TTLL6: variants seen among roughly 807,000 people sequenced by gnomAD.
TTLL6 encodes tubulin tyrosine ligase like 6.
Under a neutral mutation model 96.4 loss-of-function variants are expected in TTLL6, and 75 were observed. That is an observed-to-expected ratio of 0.78 (90% confidence interval 0.65 to 0.94). The LOEUF is 0.94. Ranked by LOEUF, TTLL6 falls within the 40% of genes least tolerant of loss-of-function variation. The pLI, the probability that TTLL6 is intolerant of heterozygous loss-of-function variation, is 0.00. For synonymous variants in TTLL6, 411 were observed against 419.4 expected (o/e 0.98, Z 0.24); for missense variants, 1,030 against 1,093.0 (o/e 0.94, Z 0.81).
intron 15 of TTLL6, chr17:48,765,491 T>C (rs986961444): frequency 6.6e-6 from 1 of 152,206 alleles, no homozygotes; most frequent in African/African-American, 2.4e-5. Flanking sequence ...GCTGGCGCCT[T>C]TATAGTCGGC....
rs1424347043 is a variant in TTLL6 at position 48,770,019 on chromosome 17, C to T, written c.2119G>A (p.Val707Met). ...CCACTGTACTCAGAGCTGGCGGTCA[C>T]AGCCAGGGTTGGCGGAGACTTTGGG... ...ISPKSPPTLA[V>M]TASSEYSGPE... Residue 707 changes from valine (V) to methionine (M), a missense_variant, in exon 14 of 16, where the codon GTG (valine) becomes ATG (methionine). By Grantham distance (21) the Val-to-Met change is conservative (BLOSUM62 1). Coordinates refer to ENST00000393382, the MANE Select transcript of TTLL6 (RefSeq NM_001130918.3). 1 of 1,614,150 alleles carries T rather than the reference C, an allele frequency of 6.2e-7. No homozygotes were observed. The highest frequency in any genetic ancestry group is 1.1e-5 in the South Asian group (1 of 91,078).
chr17:48,766,886 T>C (rs987722760), intron 15 of TTLL6, among the ~76,000 whole-genome samples: 1 of 152,146 alleles, frequency 6.6e-6, no homozygotes, highest in African/African-American at 2.4e-5. Flanking sequence ...CAGGCCTGGG[T>C]CTACATGTAA....
At chr17:48,768,011 A>C (rs1222982384) in intron 15 of TTLL6, among the ~76,000 whole-genome samples, 1 of 152,178 alleles carries the variant, frequency 6.6e-6, no homozygotes, top group Admixed American at 6.5e-5. Context: ...TGACTATCTC[A>C]ATTTTAGCCA....
intron 4 of TTLL6, 69 bp downstream of exon 4, chr17:48,801,456 G>A (rs2039411707): frequency 1.3e-6 from 2 of 1,550,958 alleles, no homozygotes; most frequent in Non-Finnish European, 1.7e-6. Flanking sequence ...TCGGGAGACA[G>A]GTGTAAAAAT....
chr17:48,772,121 AAAAAGAAAAG>A (rs551782668), intron 13 of TTLL6, among the ~76,000 whole-genome samples: 3 of 152,014 alleles, frequency 2.0e-5, no homozygotes, highest in African/African-American at 4.8e-5. Context: ...AGATATGCAA[AAAAAGAAAAG>A]AAAAGAAAAG....
At chr17:48,803,390 G>A (rs780117312) in intron 3 of TTLL6, among the ~76,000 whole-genome samples, 1 of 151,826 alleles carries the variant, frequency 6.6e-6, no homozygotes, top group Non-Finnish European at 1.5e-5. Context: ...CAGCTACTAG[G>A]GAGGCTGAGG....
At chr17:48,764,308 A>T (rs1009967030) in intron 15 of TTLL6, among the ~76,000 whole-genome samples, 2 of 152,244 alleles carry the variant, frequency 1.3e-5, no homozygotes, top group Non-Finnish European at 2.9e-5. Flanking sequence ...TCAGGGCGCC[A>T]TTCCTCACAT....
intron 1 of TTLL6, among the ~76,000 whole-genome samples, chr17:48,807,869 C>G (rs969152818): frequency 7.4e-5 from 11 of 148,748 alleles, no homozygotes; most frequent in Admixed American, 3.3e-4. Context: ...GACGGAGTCT[C>G]GCTCAGTCGC....
At chr17:48,796,735 C>T (rs568157544) in intron 7 of TTLL6, among the ~76,000 whole-genome samples, 4 of 152,278 alleles carry the variant, frequency 2.6e-5, no homozygotes, top group Non-Finnish European at 4.4e-5. Flanking sequence ...TGCTCATCCA[C>T]GGCCTTTTCT....
chr17:48,799,890 G>A, intron 5 of TTLL6, 130 bp from the exon 6 acceptor site: 1 of 802,692 alleles, frequency 1.2e-6, no homozygotes, highest in Admixed American at 2.7e-5. Context: ...CAGATGCCCA[G>A]AGGTCCAGCA....
At chr17:48,805,897 G>T (rs917334701) in intron 1 of TTLL6, among the ~76,000 whole-genome samples, 1 of 152,152 alleles carries the variant, frequency 6.6e-6, no homozygotes, top group African/African-American at 2.4e-5. Flanking sequence ...ATCACCTGAG[G>T]TCGGGAGATT....
chr17:48,774,013 C>T (rs1212207591), intron 13 of TTLL6, among the ~76,000 whole-genome samples: 10 of 133,518 alleles, frequency 7.5e-5, no homozygotes, highest in African/African-American at 1.4e-4. Flanking sequence ...ACCTGGGAAG[C>T]GGAGGTTGCA....
Position 48,769,804 on chromosome 17 carries a change from G to T in TTLL6, c.2334C>A (p.Thr778=), listed in dbSNP as rs777705795. 1.4e-5 allele frequency: 22 copies of T among 1,614,246 alleles called. No homozygotes were observed. The South Asian group carries it at 2.3e-4, about 17-fold the overall frequency. The change falls in exon 14 of 16, where the codon ACC becomes ACA. Residue 778 remains threonine (T), a synonymous_variant. Transcript: ENST00000393382. The part of the protein sequence containing the change: ...NKPHLISELL[T]KLQLSGKLSF... ...AGAGCTTCCCACTCAGTTGAAGCTTGGTGAGTAGCTCGGATATCAAATGTG... is the reference window on the plus strand; with the variant it reads ...AGAGCTTCCCACTCAGTTGAAGCTTTGTGAGTAGCTCGGATATCAAATGTG...
intron 1 of TTLL6, 129 bp from the exon 2 acceptor site, chr17:48,805,120 C>T: frequency 1.4e-6 from 1 of 726,184 alleles, no homozygotes; most frequent in African/African-American, 1.8e-5. Context: ...AAAATGCCAC[C>T]CGGCCTCCGC....
At chr17:48,801,210 TG>T in intron 5 of TTLL6, 44 bp downstream of exon 5, 2 of 1,520,382 alleles carry the variant, frequency 1.3e-6, no homozygotes, top group Non-Finnish European at 1.8e-6. Flanking sequence ...GAAATGTAAA[TG>T]GGGAGGGGAG....
intron 1 of TTLL6, chr17:48,812,064 A>ACCACCC (rs2039602289): frequency 1.3e-5 from 1 of 76,140 alleles, no homozygotes; most frequent in Non-Finnish European, 2.5e-5. Flanking sequence ...TGATGCTGGG[A>ACCACCC]CCCCCCCCCC....
At chr17:48,770,670 C>A (rs1219147335) in intron 13 of TTLL6, among the ~76,000 whole-genome samples, 1 of 151,808 alleles carries the variant, frequency 6.6e-6, no homozygotes, top group African/African-American at 2.4e-5. Context: ...GCATGCGCCA[C>A]CACATCTGGC....
At chr17:48,814,088 G>A (rs2039630562) in intron 1 of TTLL6, among the ~76,000 whole-genome samples, 1 of 152,136 alleles carries the variant, frequency 6.6e-6, no homozygotes, top group African/African-American at 2.4e-5. Flanking sequence ...GGAGGCCAAG[G>A]CAGGTGGGTT....
chr17:48,810,079 C>T (rs995882212), intron 1 of TTLL6, among the ~76,000 whole-genome samples: 2 of 136,452 alleles, frequency 1.5e-5, no homozygotes, highest in Non-Finnish European at 3.0e-5. Flanking sequence ...GCAGAGATTG[C>T]GGTGAGCCGA....
Sources: gnomAD v4.1 joint callset for allele counts (sites outside exome capture counted in the v4.1 genomes callset) on GRCh38, gnomAD v4.1.1 for gene constraint, MANE v1.5 for transcripts, NCBI Gene and HGNC (gene_info 2026-07-23, HGNC 2026-07-21) for gene names.